MDFIC2: variants seen among roughly 807,000 people sequenced by gnomAD.
MDFIC2 encodes the protein MyoD family inhibitor domain containing 2.
intron 3 of MDFIC2, among the ~76,000 whole-genome samples, chr3:70,202,098 T>C (rs893030049): frequency 4.6e-5 from 7 of 152,166 alleles, no homozygotes; most frequent in African/African-American, 1.7e-4. Flanking sequence ...TAGTGACTAG[T>C]GTTCTAATAG....
At chr3:70,214,980 C>G (rs1211016085) in intron 2 of MDFIC2, among the ~76,000 whole-genome samples, 1 of 152,066 alleles carries the variant, frequency 6.6e-6, no homozygotes, top group African/African-American at 2.4e-5. Context: ...AGGCTATAAA[C>G]TCATGCATGA....
intron 2 of MDFIC2, among the ~76,000 whole-genome samples, chr3:70,250,236 T>A (rs554197690): frequency 2.0e-5 from 3 of 152,304 alleles, no homozygotes; most frequent in East Asian, 3.9e-4. Context: ...CTTCTCATCT[T>A]GTGCTGCTGA....
intron 2 of MDFIC2, chr3:70,249,066 C>G (rs1040853429): frequency 2.0e-5 from 3 of 152,150 alleles, no homozygotes; most frequent in African/African-American, 4.8e-5. Flanking sequence ...GGTCCCTACT[C>G]AAGTCCTTCT....
intron 2 of MDFIC2, chr3:70,271,986 C>G (rs1162174778): frequency 6.6e-6 from 1 of 152,282 alleles, no homozygotes; most frequent in Admixed American, 6.5e-5. Context: ...TGATCTTTAA[C>G]TCTGAACTTC....
At chr3:70,270,646 A>G (rs1701967213) in intron 2 of MDFIC2, among the ~76,000 whole-genome samples, 1 of 152,154 alleles carries the variant, frequency 6.6e-6, no homozygotes, top group African/African-American at 2.4e-5. Context: ...ACTTCCTGGG[A>G]TGGATCTTTA....
intron 2 of MDFIC2, among the ~76,000 whole-genome samples, chr3:70,246,193 A>G (rs1701707146): frequency 6.6e-6 from 1 of 152,076 alleles, no homozygotes; most frequent in Admixed American, 6.6e-5. Flanking sequence ...AGATTCTTGG[A>G]ATAGTACATC....
intron 2 of MDFIC2, among the ~76,000 whole-genome samples, chr3:70,218,341 A>T (rs1418671564): frequency 6.6e-6 from 1 of 152,120 alleles, no homozygotes; most frequent in East Asian, 1.9e-4. Context: ...ATGTATATAG[A>T]TGCATATAGG....
At chr3:70,214,908 T>C (rs1022673937) in intron 2 of MDFIC2, among the ~76,000 whole-genome samples, 6 of 152,176 alleles carry the variant, frequency 3.9e-5, no homozygotes, top group South Asian at 4.1e-4. Flanking sequence ...GCAGTTTTTA[T>C]AGTTTGATGC....
chr3:70,215,803 A>G (rs1057474983), intron 2 of MDFIC2, among the ~76,000 whole-genome samples: 1 of 152,126 alleles, frequency 6.6e-6, no homozygotes, highest in Non-Finnish European at 1.5e-5. Context: ...TGATGAACTG[A>G]CAGACTAAAG....
At chr3:70,274,226 T>A (rs908390365) in intron 2 of MDFIC2, among the ~76,000 whole-genome samples, 3 of 151,934 alleles carry the variant, frequency 2.0e-5, no homozygotes, top group African/African-American at 4.8e-5. Context: ...AGACAATTGA[T>A]ATGTTTTAAT....
At chr3:70,281,986 G>T (rs1174169292) in intron 2 of MDFIC2, among the ~76,000 whole-genome samples, 1 of 152,166 alleles carries the variant, frequency 6.6e-6, no homozygotes, top group Non-Finnish European at 1.5e-5. Context: ...TAGGATGGAA[G>T]TCCACCTGGA....
At chr3:70,241,929 A>C (rs912119762) in intron 2 of MDFIC2, among the ~76,000 whole-genome samples, 1 of 152,338 alleles carries the variant, frequency 6.6e-6, no homozygotes, top group Admixed American at 6.5e-5. Context: ...CAAAAGTTTC[A>C]TTCTAAACTG....
At chr3:70,263,906 T>C (rs1463948549) in intron 2 of MDFIC2, among the ~76,000 whole-genome samples, 2 of 152,182 alleles carry the variant, frequency 1.3e-5, no homozygotes, top group Non-Finnish European at 2.9e-5. Context: ...GCAATTGCTG[T>C]TGTCCAATAT....
At chr3:70,241,924 G>C (rs1701669736) in intron 2 of MDFIC2, among the ~76,000 whole-genome samples, 1 of 152,164 alleles carries the variant, frequency 6.6e-6, no homozygotes, top group Non-Finnish European at 1.5e-5. Flanking sequence ...GTGCTCAAAA[G>C]TTTCATTCTA....
intron 2 of MDFIC2, among the ~76,000 whole-genome samples, chr3:70,218,560 A>G (rs1170290052): frequency 6.6e-6 from 1 of 152,130 alleles, no homozygotes; most frequent in Non-Finnish European, 1.5e-5. Context: ...CAGCAGCTGC[A>G]GTAGTGGCCT....
chr3:70,223,633 G>A (rs1701479009), intron 2 of MDFIC2, among the ~76,000 whole-genome samples: 1 of 151,978 alleles, frequency 6.6e-6, no homozygotes, highest in Admixed American at 6.6e-5. Flanking sequence ...GCTATTTCCT[G>A]GTACCCTGTC....
intron 2 of MDFIC2, among the ~76,000 whole-genome samples, chr3:70,290,198 C>T (rs1475131415): frequency 6.6e-6 from 1 of 152,124 alleles, no homozygotes; most frequent in Non-Finnish European, 1.5e-5. Context: ...GTTTTATCTA[C>T]TTTTGGTCTT....
At chr3:70,295,725 A>G (rs1406541967) in intron 2 of MDFIC2, among the ~76,000 whole-genome samples, 2 of 152,156 alleles carry the variant, frequency 1.3e-5, no homozygotes, top group Non-Finnish European at 2.9e-5. Flanking sequence ...TACAAATACT[A>G]CAATGCAAAT....
intron 2 of MDFIC2, among the ~76,000 whole-genome samples, chr3:70,285,285 C>T (rs1439677220): frequency 3.4e-5 from 5 of 146,652 alleles, no homozygotes; most frequent in African/African-American, 1.3e-4. Flanking sequence ...TCAATTCCCA[C>T]CTATGAGTGA....
Sources: allele counts gnomAD v4.1 joint callset (sites outside exome capture counted in the v4.1 genomes callset), GRCh38; gene constraint gnomAD v4.1.1; transcripts MANE v1.5; gene names NCBI Gene and HGNC (gene_info 2026-07-23, HGNC 2026-07-21).